CSMD1: variants seen among roughly 807,000 people sequenced by gnomAD.
CSMD1 encodes the protein CUB and sushi domain-containing protein 1.
In CSMD1, 213 loss-of-function variants were observed where a neutral mutation model predicts 417.5. The ratio of observed to expected loss-of-function variants is 0.51; its 90% CI spans 0.46 to 0.57. CSMD1 has a LOEUF of 0.57. Ranked by LOEUF, CSMD1 falls within the 20% of genes least tolerant of loss-of-function variation. The probability of loss-of-function intolerance (pLI) is 0.00; values close to 1 mark genes in which losing one functional copy is unlikely to be tolerated. For synonymous variants in CSMD1, 2,862 were observed against 1,736.8 expected (o/e 1.65, Z -16.11); for missense variants, 6,923 against 4,529.7 (o/e 1.53, Z -15.17).
intron 18 of CSMD1, among the ~76,000 whole-genome samples, chr8:3,385,679 G>A (rs1015219260): frequency 1.3e-5 from 2 of 152,060 alleles, no homozygotes; most frequent in South Asian, 2.1e-4. Flanking sequence ...ATTTATGAAA[G>A]CGATATATTA....
chr8:4,945,048 C>G (rs923719506), intron 1 of CSMD1, among the ~76,000 whole-genome samples: 1 of 152,140 alleles, frequency 6.6e-6, no homozygotes, highest in East Asian at 1.9e-4. Context: ...GGTCTCTTCA[C>G]ACGAAAATTA....
intron 50 of CSMD1, among the ~76,000 whole-genome samples, chr8:3,038,197 G>C (rs1404142049): frequency 6.6e-6 from 1 of 152,172 alleles, no homozygotes; most frequent in Admixed American, 6.5e-5. Flanking sequence ...AGCGAGACAA[G>C]ACCAACACTA....
intron 1 of CSMD1, among the ~76,000 whole-genome samples, chr8:4,950,931 C>T (rs888954736): frequency 1.3e-5 from 2 of 151,736 alleles, no homozygotes; most frequent in African/African-American, 4.8e-5. Flanking sequence ...TGACAAATAA[C>T]TGACCAATTA....
At chr8:4,969,554 C>G (rs1283457145) in intron 1 of CSMD1, among the ~76,000 whole-genome samples, 3 of 151,732 alleles carry the variant, frequency 2.0e-5, no homozygotes, top group African/African-American at 7.3e-5. Context: ...TAATATTACT[C>G]TTATCTCACA....
At position 4,158,150 on chromosome 8, in the gene CSMD1, C is replaced by T. The variant is rs74549356; in HGVS notation, c.416-126051G>A. ...GCAGTCCCTGAGGTCAGACCATTCT[C>T]CCTACGGCCTTCATCATTTTTAGTG... On this transcript the variant is annotated intron_variant, in intron 3 of 69. Coordinates refer to ENST00000635120, the MANE Select transcript of CSMD1 (RefSeq NM_033225.6). Among the ~76,000 whole-genome samples the T allele has an allele frequency of 4.1e-4, 62 of 151,652 alleles. No homozygotes were observed. The South Asian group carries it at 0.013, about 32-fold the overall frequency.
At chr8:4,760,802 G>T (rs532633725) in intron 1 of CSMD1, among the ~76,000 whole-genome samples, 1 of 152,150 alleles carries the variant, frequency 6.6e-6, no homozygotes, top group Admixed American at 6.5e-5. Flanking sequence ...ACAAAAACAC[G>T]CAAAAAGATC....
chr8:4,074,795 T>G (rs1202541639), intron 3 of CSMD1, among the ~76,000 whole-genome samples: 3 of 152,168 alleles, frequency 2.0e-5, no homozygotes, highest in Non-Finnish European at 4.4e-5. Flanking sequence ...TAGTTATGAC[T>G]GTGGTACATA....
At chr8:4,310,915 T>A (rs1186405052) in intron 3 of CSMD1, among the ~76,000 whole-genome samples, 1 of 152,158 alleles carries the variant, frequency 6.6e-6, no homozygotes, top group Non-Finnish European at 1.5e-5. Flanking sequence ...TCAGTATCAC[T>A]AATCATTAGA....
intron 5 of CSMD1, among the ~76,000 whole-genome samples, chr8:3,921,518 G>T (rs62480125): frequency 1.3e-5 from 2 of 151,670 alleles, no homozygotes; most frequent in Admixed American, 1.3e-4. Context: ...TTTTTTTCAT[G>T]TAGGCCATCA....
intron 1 of CSMD1, among the ~76,000 whole-genome samples, chr8:4,980,968 G>C (rs1188813296): frequency 1.3e-5 from 2 of 151,780 alleles, no homozygotes; most frequent in East Asian, 3.9e-4. Flanking sequence ...TGAGCAACTT[G>C]TCCTTTTCTT....
chr8:3,788,975 T>A (rs1799588236), intron 5 of CSMD1, among the ~76,000 whole-genome samples: 3 of 152,176 alleles, frequency 2.0e-5, no homozygotes, highest in Non-Finnish European at 4.4e-5. Flanking sequence ...ATAATCTGAT[T>A]CCAAATTGTA....
At chr8:3,245,788 C>A (rs1352692478) in intron 26 of CSMD1, among the ~76,000 whole-genome samples, 1 of 152,172 alleles carries the variant, frequency 6.6e-6, no homozygotes, top group East Asian at 1.9e-4. Context: ...TTGTGTTAAG[C>A]CCTCTTGCTA....
chr8:3,528,965 G>A (rs1039092473), intron 10 of CSMD1, among the ~76,000 whole-genome samples: 1 of 152,112 alleles, frequency 6.6e-6, no homozygotes, highest in Non-Finnish European at 1.5e-5. Flanking sequence ...TGAAAAGTAT[G>A]ACAGTTGATA....
intron 41 of CSMD1, among the ~76,000 whole-genome samples, chr8:3,131,472 T>C (rs952182155): frequency 8.3e-5 from 11 of 131,854 alleles, no homozygotes; most frequent in East Asian, 2.3e-4. Context: ...CTAATACTAA[T>C]TTTTTTTTTT....
chr8:4,597,943 C>A (rs1017216031), intron 2 of CSMD1, among the ~76,000 whole-genome samples: 17 of 151,854 alleles, frequency 1.1e-4, no homozygotes, highest in African/African-American at 4.1e-4. Context: ...TAATAAACAT[C>A]ATTGTCATCT....
chr8:4,364,962 T>A (rs904921748), intron 3 of CSMD1, among the ~76,000 whole-genome samples: 3 of 151,890 alleles, frequency 2.0e-5, no homozygotes, highest in Non-Finnish European at 4.4e-5. Flanking sequence ...TGCAAGGGAT[T>A]TAATATGTTT....
intron 3 of CSMD1, among the ~76,000 whole-genome samples, chr8:4,044,580 A>G (rs1326070248): frequency 6.6e-6 from 1 of 152,200 alleles, no homozygotes; most frequent in African/African-American, 2.4e-5. Context: ...GGTCACCGGA[A>G]GGATAATTAA....
chr8:4,079,255 G>C (rs1177380434), intron 3 of CSMD1, among the ~76,000 whole-genome samples: 1 of 152,142 alleles, frequency 6.6e-6, no homozygotes, highest in East Asian at 1.9e-4. Context: ...AGCCCATGGA[G>C]AATAAAGTAT....
At chr8:4,231,433 G>C (rs1563309934) in intron 3 of CSMD1, among the ~76,000 whole-genome samples, 1 of 152,210 alleles carries the variant, frequency 6.6e-6, no homozygotes, top group Non-Finnish European at 1.5e-5. Flanking sequence ...CGATAAAAGT[G>C]ATAGGTGTAG....
Sources: gnomAD v4.1 joint callset for allele counts (sites outside exome capture counted in the v4.1 genomes callset) on GRCh38, gnomAD v4.1.1 for gene constraint, MANE v1.5 for transcripts, NCBI Gene and HGNC (gene_info 2026-07-23, HGNC 2026-07-21) for gene names.